The following ARHGEF12 variants were observed in gnomAD, a reference collection of about 807,000 sequenced individuals.
ARHGEF12 encodes the protein KMT2A/ARHGEF12 fusion protein.
In ARHGEF12, 66 loss-of-function variants were observed where a neutral mutation model predicts 211.2. The observed-to-expected ratio is 0.31, with a 90% CI of 0.26 to 0.38. ARHGEF12 has a LOEUF of 0.38. Among genes scored for constraint, ARHGEF12 ranks in the 10% least tolerant of loss-of-function variants. ARHGEF12 has a pLI of 1.00. For missense variants in ARHGEF12, 1,429 were observed against 1,869.5 expected, an observed-to-expected ratio of 0.76 and a Z score of 4.34; for synonymous variants, 592 against 638.4, an observed-to-expected ratio of 0.93 and a Z score of 1.09.
chr11:120,379,592 T>C (rs1169340874), intron 1 of ARHGEF12, among the ~76,000 whole-genome samples: 2 of 152,056 alleles, frequency 1.3e-5, no homozygotes, highest in Non-Finnish European at 2.9e-5. Flanking sequence ...ATTTTATAAT[T>C]AACAGATATT....
At chr11:120,391,878 A>C (rs755886154) in intron 1 of ARHGEF12, among the ~76,000 whole-genome samples, 1 of 152,180 alleles carries the variant, frequency 6.6e-6, no homozygotes, top group Non-Finnish European at 1.5e-5. Flanking sequence ...CAATATTATA[A>C]ACTTTATGCA....
At chr11:120,382,311 T>G (rs1943899501) in intron 1 of ARHGEF12, among the ~76,000 whole-genome samples, 2 of 152,264 alleles carry the variant, frequency 1.3e-5, no homozygotes, top group Admixed American at 6.5e-5. Flanking sequence ...ATCTAGCATC[T>G]TTCTTTTGAA....
intron 30 of ARHGEF12, among the ~76,000 whole-genome samples, chr11:120,470,522 C>G (rs1402811133): frequency 6.6e-6 from 1 of 152,178 alleles, no homozygotes; most frequent in Non-Finnish European, 1.5e-5. Context: ...AAGCAGTTGG[C>G]TGTATGGGCC....
chr11:120,424,488 A>G, intron 7 of ARHGEF12, 73 bp downstream of exon 7: 1 of 1,206,232 alleles, frequency 8.3e-7, no homozygotes, highest in Non-Finnish European at 1.2e-6. Flanking sequence ...ATTTCCTGTA[A>G]TAGGCCAAAT....
chr11:120,437,805 C>A (rs1173634992), intron 12 of ARHGEF12, among the ~76,000 whole-genome samples: 1 of 152,114 alleles, frequency 6.6e-6, no homozygotes, highest in African/African-American at 2.4e-5. Context: ...TTTAGATACT[C>A]ATGTAAAAAG....
intron 1 of ARHGEF12, among the ~76,000 whole-genome samples, chr11:120,368,129 C>G (rs1180826051): frequency 6.6e-6 from 1 of 151,952 alleles, no homozygotes; most frequent in Admixed American, 6.6e-5. Context: ...TTTGGCTGGG[C>G]CACAGCGGCA....
intron 20 of ARHGEF12, 97 bp downstream of exon 20, chr11:120,448,445 A>C (rs1946108752): frequency 1.2e-6 from 1 of 827,176 alleles, no homozygotes; most frequent in Admixed American, 2.5e-5. Flanking sequence ...CTTAATCAGC[A>C]AATTAATGCT....
intron 1 of ARHGEF12, among the ~76,000 whole-genome samples, chr11:120,354,535 A>G (rs750390705): frequency 6.6e-6 from 1 of 152,232 alleles, no homozygotes; most frequent in Non-Finnish European, 1.5e-5. Context: ...GACATGAATC[A>G]GTTTAGTCAC....
rs761621465 is a variant in ARHGEF12, at chr11:120,473,069, G to A, written c.2975G>A (p.Arg992His). 1.2e-5 allele frequency: 20 copies of A among 1,613,432 alleles called. No homozygotes were observed. The highest frequency in any genetic ancestry group is 3.3e-5 in the Admixed American group (2 of 59,984). The change falls in exon 31 of 41, where the codon CGT becomes CAT. Residue 992 changes from arginine (R) to histidine (H), a missense_variant. Transcript: ENST00000397843. Reference protein sequence around the residue: ...ENKQRLEDYQRRLDTSSLKLS... With the variant: ...ENKQRLEDYQHRLDTSSLKLS... ...TTTCAGCGCCTAGAAGATTATCAGC[G>A]TCGCCTTGATACCTCCAGCCTGAAG...
At chr11:120,367,381 T>G (rs1340749439) in intron 1 of ARHGEF12, among the ~76,000 whole-genome samples, 10 of 122,052 alleles carry the variant, frequency 8.2e-5, no homozygotes, top group Non-Finnish European at 1.8e-4. Context: ...TTTTTTTTTT[T>G]TTGAGGTGGA....
rs185025077 is a variant in ARHGEF12, at chr11:120,379,366, C to G, written c.33-26752C>G. ...TCATGTTATTAAAAAGTTTTACTTT[C>G]ATTTAAAAGATGTAAGCCTTTTATA... On this transcript the variant is annotated intron_variant, in intron 1 of 40. Transcript: ENST00000397843. Among the ~76,000 whole-genome samples the G allele has an allele frequency of 9.6e-4, 146 of 152,000 alleles. 1 individual carries two copies. Among genetic ancestry groups the G allele is most frequent in the Admixed American group, 1.6e-3 (25 of 15,272 alleles).
intron 1 of ARHGEF12, among the ~76,000 whole-genome samples, chr11:120,372,909 TCTAA>T (rs1162997359): frequency 6.6e-6 from 1 of 152,134 alleles, no homozygotes; most frequent in Admixed American, 6.5e-5. Context: ...TTAAGGTCAC[TCTAA>T]CTGAGGAACC....
intron 1 of ARHGEF12, among the ~76,000 whole-genome samples, chr11:120,373,546 C>G (rs1005115083): frequency 7.9e-5 from 12 of 152,106 alleles, no homozygotes; most frequent in African/African-American, 2.4e-4. Flanking sequence ...GAATTAACAT[C>G]TAGTTAGGAA....
At chr11:120,461,740 C>T (rs1946541461) in intron 27 of ARHGEF12, among the ~76,000 whole-genome samples, 1 of 152,204 alleles carries the variant, frequency 6.6e-6, no homozygotes, top group African/African-American at 2.4e-5. Context: ...GGTACGTCTT[C>T]TGGATAACTT....
intron 7 of ARHGEF12, among the ~76,000 whole-genome samples, chr11:120,426,404 A>G (rs1945347321): frequency 6.6e-6 from 1 of 152,228 alleles, no homozygotes; most frequent in South Asian, 2.1e-4. Context: ...TGCATATCCA[A>G]AACTGATGTA....
intron 30 of ARHGEF12, among the ~76,000 whole-genome samples, chr11:120,469,596 T>TTG (rs1946807801): frequency 6.6e-6 from 1 of 152,334 alleles, no homozygotes; most frequent in Admixed American, 6.5e-5. Context: ...CTCAAGCTGC[T>TTG]TGTTTGCTCT....
intron 1 of ARHGEF12, among the ~76,000 whole-genome samples, chr11:120,403,530 AG>A (rs1340685069): frequency 6.6e-6 from 1 of 151,908 alleles, no homozygotes; most frequent in Non-Finnish European, 1.5e-5. Flanking sequence ...AAAAAAAAAA[AG>A]GCATCTAGCC....
intron 1 of ARHGEF12, among the ~76,000 whole-genome samples, chr11:120,352,509 GTTATC>G (rs1943014139): frequency 6.6e-6 from 1 of 152,084 alleles, no homozygotes; most frequent in East Asian, 1.9e-4. Context: ...TTGTTATAGT[GTTATC>G]TTTATCATTT....
intron 1 of ARHGEF12, among the ~76,000 whole-genome samples, chr11:120,347,149 TTCCTTC>T (rs1565416886): frequency 0.012 from 570 of 47,162 alleles, 15 homozygotes; most frequent in Admixed American, 0.014. Context: ...CCTTCCTTCC[TTCCTTC>T]CTTCCTTCCT....
Sources: gnomAD v4.1 joint callset for allele counts (sites outside exome capture counted in the v4.1 genomes callset) on GRCh38, gnomAD v4.1.1 for gene constraint, MANE v1.5 for transcripts, NCBI Gene and HGNC (gene_info 2026-07-23, HGNC 2026-07-21) for gene names.